MECOM: variants seen among roughly 807,000 people sequenced by gnomAD.
MECOM encodes the protein histone-lysine N-methyltransferase MECOM.
A neutral mutation model predicts 116.3 loss-of-function variants in MECOM; 13 were observed. The ratio of observed to expected loss-of-function variants is 0.11; its 90% CI spans 0.07 to 0.18. The LOEUF (loss-of-function observed/expected upper bound fraction) is 0.18. Among genes scored for constraint, MECOM ranks in the 10% least tolerant of loss-of-function variants. MECOM has a pLI of 1.00. For synonymous variants in MECOM, 528 were observed against 535.2 expected (o/e 0.99, Z 0.19); for missense variants, 1,299 against 1,509.0 (o/e 0.86, Z 2.31).
At chr3:169,312,363 C>T (rs1052482921) in intron 2 of MECOM, among the ~76,000 whole-genome samples, 99 of 132,666 alleles carry the variant, frequency 7.5e-4, no homozygotes, top group Admixed American at 2.0e-3. Context: ...AGAATGACTG[C>T]AATTTTTTTT....
intron 2 of MECOM, among the ~76,000 whole-genome samples, chr3:169,178,755 G>C (rs1267064316): frequency 6.6e-6 from 1 of 152,152 alleles, no homozygotes; most frequent in East Asian, 1.9e-4. Context: ...CCTAGGATAT[G>C]TTACGCTAGA....
intron 14 of MECOM, among the ~76,000 whole-genome samples, chr3:169,091,295 T>C (rs1719641971): frequency 1.3e-5 from 2 of 152,138 alleles, no homozygotes; most frequent in African/African-American, 4.8e-5. Context: ...AGTTTTCAAA[T>C]GTGGCAATTT....
chr3:169,146,499 G>C, intron 2 of MECOM: 1 of 1,380,984 alleles, frequency 7.2e-7, no homozygotes, highest in Non-Finnish European at 9.6e-7. Flanking sequence ...GACCCACCCC[G>C]GAGACGTGTC....
intron 2 of MECOM, among the ~76,000 whole-genome samples, chr3:169,283,164 G>T (rs979232648): frequency 4.6e-5 from 7 of 152,086 alleles, no homozygotes; most frequent in Non-Finnish European, 8.8e-5. Context: ...ACAGAATTTA[G>T]GGAGAAAGGG....
chr3:169,552,200 T>TA (rs1249628760), intron 1 of MECOM, among the ~76,000 whole-genome samples: 1 of 112,176 alleles, frequency 8.9e-6, no homozygotes, highest in Admixed American at 1.1e-4. Context: ...TATATCACAA[T>TA]AAAAAGAAAT....
Position 169,611,881 on chromosome 3 carries a change from TC to T in MECOM, c.37+51454del, listed in dbSNP as rs1302238321. The stretch of plus-strand genomic sequence containing the variant: ...ATTTAAGTAGCTGGAAATCATAATA[TC>T]TATGATCCTCCAGAGTCTAGAACAC... On this transcript the variant is annotated intron_variant, in intron 1 of 16. Coordinates refer to ENST00000651503, the MANE Select transcript of MECOM (RefSeq NM_004991.4). The surrounding 1 kb of genome is among the most constrained non-coding windows in gnomAD (Gnocchi z 4.1). Among the ~76,000 whole-genome samples, 1 of 152,186 alleles carries T rather than the reference TC, an allele frequency of 6.6e-6. No individual in the cohort carries two copies. Among genetic ancestry groups the T allele is most frequent in the Non-Finnish European group, 1.5e-5 (1 of 68,040 alleles).
Position 169,456,245 on chromosome 3 carries a change from T to A in MECOM, c.38-74721A>T, listed in dbSNP as rs539188714. On this transcript the variant is annotated intron_variant, in intron 1 of 16. Transcript: ENST00000651503. ...ATTCACACCTGGGTCCTGCTCTTGC[T>A]TTTAAATAACACCCAAATTCTAGTC... is the stretch of plus-strand genomic sequence containing the variant. Among the ~76,000 whole-genome samples, 4 of 152,290 alleles carry A rather than the reference T, an allele frequency of 2.6e-5. No homozygotes were observed. In the South Asian group the frequency reaches 8.3e-4, roughly 32 times the overall value.
chr3:169,153,583 G>A (rs1741492747), intron 2 of MECOM, among the ~76,000 whole-genome samples: 1 of 151,896 alleles, frequency 6.6e-6, no homozygotes, highest in Admixed American at 6.6e-5. Flanking sequence ...ATAGTATTTA[G>A]CACATTATGC....
At chr3:169,378,937 CCTT>C (rs1336125529) in intron 2 of MECOM, among the ~76,000 whole-genome samples, 1 of 149,962 alleles carries the variant, frequency 6.7e-6, no homozygotes, top group Non-Finnish European at 1.5e-5. Context: ...TTTTTTTTCT[CCTT>C]CATCATTTTT....
intron 1 of MECOM, chr3:169,615,096 T>C (rs1311416487): frequency 6.6e-6 from 1 of 152,194 alleles, no homozygotes; most frequent in Non-Finnish European, 1.5e-5. Context: ...CAAATACTAA[T>C]ACATGTTTAT....
At chr3:169,412,110 A>C (rs1578018302) in intron 1 of MECOM, among the ~76,000 whole-genome samples, 1 of 151,822 alleles carries the variant, frequency 6.6e-6, no homozygotes, top group Non-Finnish European at 1.5e-5. Context: ...ACATGGCAAA[A>C]CCCCATCTCT....
chr3:169,655,583 G>A (rs1029794337), intron 1 of MECOM, among the ~76,000 whole-genome samples: 1 of 152,084 alleles, frequency 6.6e-6, no homozygotes, highest in African/African-American at 2.4e-5. Context: ...CCAAATAAAG[G>A]GCAAAGGAAG....
At chr3:169,475,469 A>G (rs564082118) in intron 1 of MECOM, among the ~76,000 whole-genome samples, 2 of 152,294 alleles carry the variant, frequency 1.3e-5, no homozygotes, top group Non-Finnish European at 2.9e-5. Context: ...GTGACAAGCC[A>G]AACTGAGAAT....
chr3:169,141,187 A>G (rs1737997660), intron 3 of MECOM, among the ~76,000 whole-genome samples: 1 of 152,060 alleles, frequency 6.6e-6, no homozygotes, highest in Non-Finnish European at 1.5e-5. Flanking sequence ...CTAACTTGCA[A>G]TTGAAAACTT....
chr3:169,086,279 A>T (rs192831995), intron 16 of MECOM, among the ~76,000 whole-genome samples: 17 of 152,294 alleles, frequency 1.1e-4, no homozygotes, highest in Non-Finnish European at 2.1e-4. Context: ...AGATCCTAAG[A>T]AATTAAGAAT....
intron 1 of MECOM, among the ~76,000 whole-genome samples, chr3:169,413,941 G>T (rs558539488): frequency 6.6e-6 from 1 of 152,352 alleles, no homozygotes; most frequent in East Asian, 1.9e-4. Flanking sequence ...CCTGGGGGAA[G>T]GGGCGACTGT....
At chr3:169,212,593 G>C (rs1202166657) in intron 2 of MECOM, among the ~76,000 whole-genome samples, 3 of 136,752 alleles carry the variant, frequency 2.2e-5, no homozygotes, top group African/African-American at 8.2e-5. Flanking sequence ...CAAAGCTCTT[G>C]ACCTTTCTAT....
intron 1 of MECOM, among the ~76,000 whole-genome samples, chr3:169,573,554 C>T (rs1462819541): frequency 1.3e-5 from 2 of 152,110 alleles, no homozygotes; most frequent in South Asian, 2.1e-4. Context: ...TTTTTCTTTT[C>T]CTTGTAGCCA....
At chr3:169,508,946 A>G (rs1205289878) in intron 1 of MECOM, among the ~76,000 whole-genome samples, 1 of 152,204 alleles carries the variant, frequency 6.6e-6, no homozygotes, top group Non-Finnish European at 1.5e-5. Context: ...CCTATATACA[A>G]TCATGAAATA....
Sources: allele counts gnomAD v4.1 joint callset (sites outside exome capture counted in the v4.1 genomes callset), GRCh38; gene constraint gnomAD v4.1.1; non-coding constraint Gnocchi (gnomAD v3.1); transcripts MANE v1.5; gene names NCBI Gene and HGNC (gene_info 2026-07-23, HGNC 2026-07-21).